ATRNL1: variants seen among roughly 807,000 people sequenced by gnomAD.
ATRNL1 encodes attractin-like protein 1.
Under a neutral mutation model 182.7 loss-of-function variants are expected in ATRNL1, and 95 were observed. The ratio of observed to expected loss-of-function variants is 0.52; its 90% CI spans 0.44 to 0.62. ATRNL1 has a LOEUF of 0.62. Ranked by LOEUF, ATRNL1 falls within the 20% of genes least tolerant of loss-of-function variation. The probability of loss-of-function intolerance (pLI) is 0.00; values close to 1 mark genes in which losing one functional copy is unlikely to be tolerated. For missense variants in ATRNL1, 1,471 were observed against 1,679.5 expected, an observed-to-expected ratio of 0.88 and a Z score of 2.17; for synonymous variants, 576 against 568.3, an observed-to-expected ratio of 1.01 and a Z score of -0.19.
chr10:115,883,550 A>T (rs1951875921), intron 28 of ATRNL1, among the ~76,000 whole-genome samples: 1 of 152,286 alleles, frequency 6.6e-6, no homozygotes, highest in Non-Finnish European at 1.5e-5. Flanking sequence ...GTATACCGTA[A>T]TGGAATAAAC....
At chr10:115,533,399 TGTAGTATTCTCTGATG>T (rs566403120) in intron 25 of ATRNL1, among the ~76,000 whole-genome samples, 2,690 of 152,006 alleles carry the variant, frequency 0.018, 20 homozygotes, top group African/African-American at 0.062. Context: ...TAGAGGTGTT[TGTAGTATTCTCTGATG>T]GTAGTTTGTA....
chr10:115,149,608 GTTC>G (rs1846126332), intron 5 of ATRNL1, among the ~76,000 whole-genome samples: 1 of 152,008 alleles, frequency 6.6e-6, no homozygotes, highest in Admixed American at 6.6e-5. Context: ...TATGGTTTTT[GTTC>G]TTCATGTTGC....
intron 1 of ATRNL1, among the ~76,000 whole-genome samples, chr10:115,096,117 T>C (rs1554863063): frequency 6.6e-6 from 1 of 152,176 alleles, no homozygotes; most frequent in African/African-American, 2.4e-5. Flanking sequence ...AGAATAGATA[T>C]TTGATGTAGA....
intron 25 of ATRNL1, among the ~76,000 whole-genome samples, chr10:115,540,929 T>C (rs12252303): frequency 0.65 from 98,317 of 151,990 alleles, 32,783 homozygotes; most frequent in Non-Finnish European, 0.73. Flanking sequence ...ATCCCTGCTT[T>C]GAATATAAAA....
chr10:115,542,167 C>T (rs1222009026), intron 25 of ATRNL1, among the ~76,000 whole-genome samples: 1 of 151,936 alleles, frequency 6.6e-6, no homozygotes, highest in Non-Finnish European at 1.5e-5. Context: ...TTCTAATATG[C>T]CATCAGATGA....
chr10:115,474,125 A>G (rs1386620734), intron 24 of ATRNL1, among the ~76,000 whole-genome samples: 1 of 151,180 alleles, frequency 6.6e-6, no homozygotes, highest in African/African-American at 2.4e-5. Context: ...TAACAATTCT[A>G]TTGCCATTTA....
intron 21 of ATRNL1, among the ~76,000 whole-genome samples, chr10:115,439,553 T>C (rs1846566567): frequency 6.6e-6 from 1 of 151,998 alleles, no homozygotes; most frequent in South Asian, 2.1e-4. Context: ...TATTTATGTA[T>C]TGATACTCTG....
At chr10:115,829,448 A>G (rs1279233859) in intron 27 of ATRNL1, among the ~76,000 whole-genome samples, 6 of 151,874 alleles carry the variant, frequency 4.0e-5, no homozygotes, top group African/African-American at 1.5e-4. Flanking sequence ...AGCTTATGTC[A>G]ATTTCCACTT....
intron 27 of ATRNL1, among the ~76,000 whole-genome samples, chr10:115,733,029 C>T (rs1451226077): frequency 6.6e-6 from 1 of 152,024 alleles, no homozygotes; most frequent in Non-Finnish European, 1.5e-5. Context: ...AGCACACAAG[C>T]TTTCTTTTAT....
At chr10:115,161,684 T>G (rs1350271260) in intron 6 of ATRNL1, among the ~76,000 whole-genome samples, 1 of 152,122 alleles carries the variant, frequency 6.6e-6, no homozygotes, top group South Asian at 2.1e-4. Context: ...GATAAACTAT[T>G]TAAGCCAACT....
intron 13 of ATRNL1, among the ~76,000 whole-genome samples, chr10:115,269,361 G>A (rs575181395): frequency 1.3e-3 from 197 of 152,208 alleles, no homozygotes; most frequent in African/African-American, 4.6e-3. Flanking sequence ...TTGAGACAGA[G>A]TCTCACTCCA....
At chr10:115,628,945 A>C (rs1247277973) in intron 26 of ATRNL1, among the ~76,000 whole-genome samples, 1 of 152,310 alleles carries the variant, frequency 6.6e-6, no homozygotes, top group African/African-American at 2.4e-5. Flanking sequence ...CTTCATGTCT[A>C]AAATCAATTG....
intron 27 of ATRNL1, among the ~76,000 whole-genome samples, chr10:115,779,087 C>G (rs1370756011): frequency 6.6e-6 from 1 of 152,132 alleles, no homozygotes; most frequent in African/African-American, 2.4e-5. Flanking sequence ...GCACCCAGGG[C>G]AGATTGCTCC....
intron 28 of ATRNL1, among the ~76,000 whole-genome samples, chr10:115,912,684 G>A (rs570727402): frequency 1.9e-4 from 28 of 150,738 alleles, no homozygotes; most frequent in Non-Finnish European, 3.8e-4. Context: ...TTAGATGAAT[G>A]GTAAAAAAAA....
chr10:115,705,970 T>C (rs1946882874), intron 26 of ATRNL1, among the ~76,000 whole-genome samples: 1 of 151,952 alleles, frequency 6.6e-6, no homozygotes, highest in Non-Finnish European at 1.5e-5. Flanking sequence ...ACTTCTTACA[T>C]TTTCTTATAT....
At chr10:115,854,208 A>T (rs1208547700) in intron 28 of ATRNL1, among the ~76,000 whole-genome samples, 1 of 152,224 alleles carries the variant, frequency 6.6e-6, no homozygotes, top group African/African-American at 2.4e-5. Context: ...TAAGTTTAAT[A>T]TTTGTCTACA....
At chr10:115,499,862 G>A (rs1319937389) in intron 24 of ATRNL1, among the ~76,000 whole-genome samples, 1 of 152,126 alleles carries the variant, frequency 6.6e-6, no homozygotes, top group Non-Finnish European at 1.5e-5. Context: ...AGGCATCAAG[G>A]TTTATTTTCC....
chr10:115,937,383 A>G (rs1953592399), intron 28 of ATRNL1, among the ~76,000 whole-genome samples: 1 of 152,256 alleles, frequency 6.6e-6, no homozygotes, highest in African/African-American at 2.4e-5. Context: ...TGATCAGACA[A>G]GTATGACTAG....
chr10:115,675,817 A>G (rs184093481), intron 26 of ATRNL1, among the ~76,000 whole-genome samples: 85 of 152,154 alleles, frequency 5.6e-4, no homozygotes, highest in African/African-American at 1.8e-3. Context: ...TCTTATAACA[A>G]CCTTATTAAA....
Sources: gnomAD v4.1 joint callset for allele counts (sites outside exome capture counted in the v4.1 genomes callset) on GRCh38, gnomAD v4.1.1 for gene constraint, MANE v1.5 for transcripts, NCBI Gene and HGNC (gene_info 2026-07-23, HGNC 2026-07-21) for gene names.